Variants in OLA1 observed in about 807,000 individuals in gnomAD.
OLA1 encodes the protein Obg like ATPase 1, also known as obg-like ATPase 1.
OLA1 carries 14 observed loss-of-function variants against 48.4 expected under a neutral mutation model. That is an observed-to-expected ratio of 0.29 (90% CI 0.19 to 0.45). OLA1 has a LOEUF of 0.45. OLA1 is among the 20% of genes least tolerant of loss of function. The probability of loss-of-function intolerance (pLI) is 1.00; values close to 1 mark genes in which losing one functional copy is unlikely to be tolerated. For synonymous variants in OLA1, 127 were observed against 150.4 expected, an observed-to-expected ratio of 0.84 and a Z score of 1.14; for missense variants, 325 against 467.1, an observed-to-expected ratio of 0.70 and a Z score of 2.80.
chr2:174,171,193 A>T (rs1687292448), intron 4 of OLA1, among the ~76,000 whole-genome samples: 2 of 152,204 alleles, frequency 1.3e-5, no homozygotes, highest in South Asian at 4.1e-4. Context: ...GGAGATCTTA[A>T]CGCCCTTCTC....
intron 4 of OLA1, among the ~76,000 whole-genome samples, chr2:174,197,430 TTG>T (rs1574544583): frequency 9.6e-6 from 1 of 103,776 alleles, no homozygotes; most frequent in East Asian, 1.8e-3. Context: ...TGTTGGTTTG[TTG>T]TTTTTTTTTT....
chr2:174,125,328 G>C (rs1054092356), intron 5 of OLA1, among the ~76,000 whole-genome samples: 1 of 152,144 alleles, frequency 6.6e-6, no homozygotes, highest in African/African-American at 2.4e-5. Flanking sequence ...AATGTCGGAG[G>C]GGATTAATCT....
chr2:174,172,344 G>GAAAAGAACCAGGGA (rs1261809294), intron 4 of OLA1: 1 of 40,490 alleles, frequency 2.5e-5, no homozygotes, highest in Non-Finnish European at 4.9e-5. Flanking sequence ...TGAGAGTGGC[G>GAAAAGAACCAGGGA]AAAAGAGTGC....
intron 3 of OLA1, among the ~76,000 whole-genome samples, chr2:174,223,792 T>C (rs1197945550): frequency 7.2e-6 from 1 of 139,596 alleles, no homozygotes; most frequent in African/African-American, 2.6e-5. Context: ...AAAAAAAGCG[T>C]GTAATGCTGA....
At chr2:174,247,826 C>A in intron 1 of OLA1, 1 of 1,538,656 alleles carries the variant, frequency 6.5e-7, no homozygotes, top group Non-Finnish European at 8.8e-7. Flanking sequence ...TCGAAACTTT[C>A]TCTGTCCCTT....
chr2:174,231,932 C>A (rs893263359), intron 2 of OLA1, among the ~76,000 whole-genome samples: 3 of 152,112 alleles, frequency 2.0e-5, no homozygotes, highest in African/African-American at 7.2e-5. Context: ...AGTGTTAAAG[C>A]CCATATGCTT....
intron 4 of OLA1, among the ~76,000 whole-genome samples, chr2:174,203,325 T>C (rs1162260397): frequency 5.3e-5 from 8 of 152,182 alleles, no homozygotes; most frequent in African/African-American, 1.9e-4. Context: ...CAAATTTAAA[T>C]TATAGCCTGA....
At chr2:174,179,716 A>G (rs1010143267) in intron 4 of OLA1, among the ~76,000 whole-genome samples, 4 of 152,072 alleles carry the variant, frequency 2.6e-5, no homozygotes, top group African/African-American at 9.7e-5. Context: ...AAGGACAGAT[A>G]TATTATGAAT....
At chr2:174,179,260 A>G (rs1687480403) in intron 4 of OLA1, among the ~76,000 whole-genome samples, 1 of 151,900 alleles carries the variant, frequency 6.6e-6, no homozygotes, top group South Asian at 2.1e-4. Context: ...ACAGTTTGAT[A>G]AACTGTGAGA....
intron 2 of OLA1, among the ~76,000 whole-genome samples, chr2:174,245,580 T>C (rs139334462): frequency 6.6e-6 from 1 of 152,074 alleles, no homozygotes; most frequent in South Asian, 2.1e-4. Flanking sequence ...TTAAGGTTAG[T>C]GAAAGGATAA....
At chr2:174,155,512 C>T (rs1377942428) in intron 4 of OLA1, among the ~76,000 whole-genome samples, 2 of 152,154 alleles carry the variant, frequency 1.3e-5, no homozygotes, top group Admixed American at 1.3e-4. Context: ...ACATGGCAAA[C>T]TACAGACTGC....
chr2:174,204,014 T>C (rs1294935778), intron 4 of OLA1, among the ~76,000 whole-genome samples: 2 of 151,536 alleles, frequency 1.3e-5, no homozygotes, highest in Admixed American at 1.3e-4. Flanking sequence ...AAGCTGGTCT[T>C]GAACTCCTGA....
chr2:174,162,160 A>G (rs895590621), intron 4 of OLA1, among the ~76,000 whole-genome samples: 1 of 152,232 alleles, frequency 6.6e-6, no homozygotes, highest in Non-Finnish European at 1.5e-5. Flanking sequence ...CATAAGGTAC[A>G]TTCAGGACAC....
intron 4 of OLA1, among the ~76,000 whole-genome samples, chr2:174,206,765 T>C (rs369399556): frequency 1.1e-4 from 17 of 152,340 alleles, no homozygotes; most frequent in East Asian, 9.6e-4. Flanking sequence ...TTAGAATGCA[T>C]TGTATATGTA....
chr2:174,244,631 T>TA (rs1207090061), intron 2 of OLA1, among the ~76,000 whole-genome samples: 2 of 151,526 alleles, frequency 1.3e-5, no homozygotes, highest in African/African-American at 4.8e-5. Context: ...AAAAAAAAAT[T>TA]TTTTTTTTTT....
At chr2:174,246,504 A>G (rs1255736652) in intron 2 of OLA1, among the ~76,000 whole-genome samples, 1 of 152,182 alleles carries the variant, frequency 6.6e-6, no homozygotes, top group African/African-American at 2.4e-5. Context: ...GGCCTCTGGT[A>G]GACAGCCTAT....
At chr2:174,143,586 T>C (rs543483622) in intron 4 of OLA1, among the ~76,000 whole-genome samples, 1 of 152,216 alleles carries the variant, frequency 6.6e-6, no homozygotes, top group Admixed American at 6.5e-5. Context: ...CATAGTGATG[T>C]CCTCAACAAC....
intron 4 of OLA1, among the ~76,000 whole-genome samples, chr2:174,157,643 T>C (rs1479303531): frequency 6.6e-6 from 1 of 152,154 alleles, no homozygotes; most frequent in Non-Finnish European, 1.5e-5. Context: ...GCCTGGCTGT[T>C]TAAAAAAACT....
At chr2:174,205,377 G>C (rs1011047011) in intron 4 of OLA1, among the ~76,000 whole-genome samples, 6 of 152,006 alleles carry the variant, frequency 3.9e-5, no homozygotes, top group African/African-American at 1.4e-4. Flanking sequence ...AAATATACTT[G>C]AACATTGAGT....
Sources: gnomAD v4.1 joint callset for allele counts (sites outside exome capture counted in the v4.1 genomes callset) on GRCh38, gnomAD v4.1.1 for gene constraint, MANE v1.5 for transcripts, NCBI Gene and HGNC (gene_info 2026-07-23, HGNC 2026-07-21) for gene names.